COQ6: variants seen among roughly 807,000 people sequenced by gnomAD.
The protein encoded by COQ6 is ubiquinone biosynthesis monooxygenase COQ6, mitochondrial.
COQ6 carries 45 observed loss-of-function variants against 55.5 expected under a neutral mutation model. The ratio of observed to expected loss-of-function variants is 0.81; its 90% CI spans 0.64 to 1.04. The LOEUF (loss-of-function observed/expected upper bound fraction) is 1.04, where lower values mean the gene tolerates loss of function less well. Among genes scored for constraint, COQ6 ranks in the 50% least tolerant of loss-of-function variants. COQ6 has a pLI of 0.00. For missense variants in COQ6, 550 were observed against 601.3 expected (o/e 0.91, Z 0.89); for synonymous variants, 206 against 230.5 (o/e 0.89, Z 0.96).
In COQ6 at chr14:73,955,369, T is replaced by C. The variant is rs1279027781; in HGVS notation, c.299-82T>C. Reference sequence around the variant, plus strand: ...TTATTGAAGAACACTGAAAACAACCTCTTACGTAACAGGATGGAGGGACAA... The same window carrying C: ...TTATTGAAGAACACTGAAAACAACCCCTTACGTAACAGGATGGAGGGACAA... On this transcript the variant is annotated intron_variant, in intron 2 of 11. Coordinates refer to ENST00000334571, the MANE Select transcript of COQ6 (RefSeq NM_182476.3). 1.4e-5 allele frequency: 14 copies of C among 1,008,606 alleles called. No homozygotes were observed. In the East Asian group the frequency reaches 2.8e-4, roughly 21 times the overall value. The allele number at this position is 1,008,606 out of a possible 1,614,324, so 62.5% of individuals were successfully genotyped here.
chr14:73,961,921 G>GGA lies in COQ6; in HGVS notation c.1377+19_1377+20dup. On this transcript the variant is annotated intron_variant, in intron 11 of 11. Transcript: ENST00000334571. ...CACTCAAAGTAAGAGGTTGCTCAGA[G>GGA]GAATGACTTTGCAAACAGCTCTTAA... 1.2e-6 allele frequency: 2 copies of GGA among 1,613,898 alleles called. No homozygotes were observed. The highest frequency in any genetic ancestry group is 2.2e-5 in the East Asian group (1 of 44,870).
In COQ6 at chr14:73,950,331, C is replaced by A. The variant is rs779659217; in HGVS notation, c.-2C>A. The A allele has an allele frequency of 3.9e-6, 6 of 1,550,018 alleles. No individual in the cohort carries two copies. The highest frequency in any genetic ancestry group is 1.4e-5 in the African/African-American group (1 of 73,452). Reference sequence around the variant, plus strand: ...CTGAGTGCGACGGCGCAGGTCTGCACCATGGCGGCCCGGCTTGTCAGCCGA... The same window carrying A: ...CTGAGTGCGACGGCGCAGGTCTGCAACATGGCGGCCCGGCTTGTCAGCCGA... On this transcript the variant is annotated 5_prime_UTR_variant, in exon 1 of 12. Coordinates refer to ENST00000334571, the MANE Select transcript of COQ6 (RefSeq NM_182476.3).
At chr14:73,950,084 G>C, upstream of COQ6, 2 of 1,606,242 alleles carry the variant, frequency 1.2e-6, no homozygotes. Context: ...AGCGGTGGCA[G>C]CGAGAGCTAT....
intron 1 of COQ6, among the ~76,000 whole-genome samples, chr14:73,952,268 G>A (rs1371828578): frequency 6.6e-6 from 1 of 151,362 alleles, no homozygotes; most frequent in Admixed American, 6.6e-5. Context: ...GACCACAGGC[G>A]CCCGCCATCA....
At chr14:73,961,014 T>G in intron 8 of COQ6, 159 bp from the exon 9 acceptor site, 1 of 824,896 alleles carries the variant, frequency 1.2e-6, no homozygotes, top group South Asian at 1.5e-5. Flanking sequence ...GATGAGAAGT[T>G]GCTTTGCACT....
chr14:73,950,697 C>T (rs2056155615), intron 1 of COQ6: 1 of 716,222 alleles, frequency 1.4e-6, no homozygotes, highest in Admixed American at 3.0e-5. Flanking sequence ...GTGGGAGGGG[C>T]GTTCAGAGTC....
rs1326907176 is a variant in COQ6, at chr14:73,958,058, G to A, written c.482-89G>A. 3.0e-6 allele frequency: 3 copies of A among 1,011,710 alleles called. No homozygotes were observed. The African/African-American group carries it at 4.7e-5, about 16-fold the overall frequency. The allele number at this position is 1,011,710 out of a possible 1,614,324, so 62.7% of individuals were successfully genotyped here. The stretch of plus-strand genomic sequence containing the variant: ...TAAATGACAAGACACTGCTGTCCTG[G>A]GACCTTGCTTTAGGTTTAGTTATGG... On this transcript the variant is annotated intron_variant, in intron 4 of 11. Coordinates refer to ENST00000334571, the MANE Select transcript of COQ6 (RefSeq NM_182476.3).
chr14:73,958,166 C>G lies in COQ6; in HGVS notation c.501C>G (p.Tyr167Ter), dbSNP rs183909165. 1.2e-6 allele frequency: 2 copies of G among 1,614,044 alleles called. No individual in the cohort carries two copies. The highest frequency in any genetic ancestry group is 1.7e-6 in the Non-Finnish European group (2 of 1,179,996). The change falls in exon 5 of 12, where the codon TAC becomes TAG. Residue 167 changes from tyrosine to a stop codon, truncating the protein, a stop_gained. Coordinates refer to ENST00000334571, the MANE Select transcript of COQ6 (RefSeq NM_182476.3). LOFTEE classifies it high-confidence loss of function. ...CCCCAGACCGAGTGACGGTTCTCTACAGGAGCAAAGCCATTCGCTATACCT... is the reference window on the plus strand; with the variant it reads ...CCCCAGACCGAGTGACGGTTCTCTAGAGGAGCAAAGCCATTCGCTATACCT... ...EAVSDRVTVL[Y>*]RSKAIRYTWP...
chr14:73,950,519 G>A, intron 1 of COQ6, 24 bp downstream of exon 1: 1 of 1,586,830 alleles, frequency 6.3e-7, no homozygotes, highest in African/African-American at 1.3e-5. Flanking sequence ...CAGGCTACTA[G>A]TGGCCGGAAA....
At position 73,953,499 on chromosome 14, in the gene COQ6, G is replaced by A; in HGVS notation, c.228G>A (p.Leu76=). 6.2e-7 allele frequency: 1 copy of A among 1,614,122 alleles called. No individual in the cohort carries two copies. Among genetic ancestry groups the A allele is most frequent in the Non-Finnish European group, 8.5e-7 (1 of 1,179,996 alleles). The change falls in exon 2 of 12, where the codon CTG becomes CTA. Residue 76 remains leucine (L), a synonymous_variant. Transcript: ENST00000334571. ...LLLEAGPKKV[L]EKLSETYSNR... ...TCGAAGCAGGTCCAAAGAAAGTACT[G>A]GAGAAATTGTCAGAAACTTACAGCA...
intron 8 of COQ6, chr14:73,960,737 A>C: frequency 2.0e-6 from 1 of 494,072 alleles, no homozygotes; most frequent in Non-Finnish European, 3.1e-6. Flanking sequence ...GATGCTGTGG[A>C]AGCATACAGG....
At chr14:73,962,735 TGA>T in intron 11 of COQ6, 1 of 536,066 alleles carries the variant, frequency 1.9e-6, no homozygotes, top group Non-Finnish European at 3.3e-6. Context: ...GAGGATTGCT[TGA>T]GCCTAGGAGT....
chr14:73,962,481 C>G (rs2056788468), intron 11 of COQ6, among the ~76,000 whole-genome samples: 1 of 151,866 alleles, frequency 6.6e-6, no homozygotes, highest in Non-Finnish European at 1.5e-5. Context: ...ATAATTTAAG[C>G]CTAGGAGTTT....
At chr14:73,957,299 G>A (rs1356157205) in intron 4 of COQ6, among the ~76,000 whole-genome samples, 4 of 151,646 alleles carry the variant, frequency 2.6e-5, no homozygotes, top group East Asian at 1.9e-4. Context: ...GGGTTTCACC[G>A]TGGTCTCAAT....
In COQ6 at chr14:73,963,128, T is replaced by G. The variant is rs1254648837; in HGVS notation, c.*129T>G. On this transcript the variant is annotated 3_prime_UTR_variant, in exon 12 of 12. Coordinates refer to ENST00000334571, the MANE Select transcript of COQ6 (RefSeq NM_182476.3). ...TACATTAAAATTCTCTTTTTCTTCT[T>G]TGCTTAATGGGCCTGTGGCACCCAA... 1.2e-6 allele frequency: 1 copy of G among 846,598 alleles called. No homozygotes were observed. The highest frequency in any genetic ancestry group is 1.9e-5 in the Admixed American group (1 of 51,898). The allele number at this position is 846,598 out of a possible 1,614,324, so 52.4% of individuals were successfully genotyped here.
rs2056393164 is a variant in COQ6 at position 73,955,546 on chromosome 14, T to C, written c.357+37T>C. Reference sequence around the variant, plus strand: ...TCTTTTCAATTTTGTCAAGATGTCTTGGTCTGTCTTAAGATATCGGAGTCC... The same window carrying C: ...TCTTTTCAATTTTGTCAAGATGTCTCGGTCTGTCTTAAGATATCGGAGTCC... On this transcript the variant is annotated intron_variant, in intron 3 of 11. Coordinates refer to ENST00000334571, the MANE Select transcript of COQ6 (RefSeq NM_182476.3). 4 of 1,590,202 alleles carry C rather than the reference T, an allele frequency of 2.5e-6. No individual in the cohort carries two copies. The African/African-American group carries it at 4.0e-5, about 16-fold the overall frequency.
upstream of COQ6, chr14:73,950,021 G>T (rs1338792794): frequency 6.2e-7 from 1 of 1,612,638 alleles, no homozygotes; most frequent in Non-Finnish European, 8.5e-7. Flanking sequence ...GCCTCCCCAC[G>T]GTCATTTCAG....
chr14:73,961,637 G>T (rs1358142854), intron 10 of COQ6, 67 bp downstream of exon 10: 21 of 1,600,566 alleles, frequency 1.3e-5, no homozygotes. Flanking sequence ...AGGGCCCACA[G>T]TAGCAAGAGG....
At chr14:73,950,264 G>C (rs1288883340), upstream of COQ6, 5 of 1,538,728 alleles carry the variant, frequency 3.2e-6, no homozygotes, top group Non-Finnish European at 4.4e-6. Flanking sequence ...GGATTGGAGT[G>C]CTCTGCTCCG....
Sources: gnomAD v4.1 joint callset for allele counts (sites outside exome capture counted in the v4.1 genomes callset) on GRCh38, gnomAD v4.1.1 for gene constraint, MANE v1.5 for transcripts, NCBI Gene and HGNC (gene_info 2026-07-23, HGNC 2026-07-21) for gene names.